KHDRBS2: variants seen among roughly 807,000 people sequenced by gnomAD.
The protein encoded by KHDRBS2 is KH RNA binding domain containing, signal transduction associated 2.
Under a neutral mutation model 44.3 loss-of-function variants are expected in KHDRBS2, and 26 were observed. That is an observed-to-expected ratio of 0.59 (90% CI 0.43 to 0.81). The LOEUF (loss-of-function observed/expected upper bound fraction) is 0.81. KHDRBS2 is among the 40% of genes least tolerant of loss of function. The pLI, the probability that KHDRBS2 is intolerant of heterozygous loss-of-function variation, is 0.00. For missense variants in KHDRBS2, 476 were observed against 433.1 expected (o/e 1.10, Z -0.88); for synonymous variants, 194 against 151.1 (o/e 1.28, Z -2.08).
At chr6:62,028,386 GA>G (rs951587542) in intron 3 of KHDRBS2, among the ~76,000 whole-genome samples, 3 of 152,064 alleles carry the variant, frequency 2.0e-5, no homozygotes, top group Admixed American at 6.6e-5. Flanking sequence ...GTGTTTTGAT[GA>G]AAATACTTGA....
At chr6:62,004,679 A>T (rs909992907) in intron 3 of KHDRBS2, among the ~76,000 whole-genome samples, 1 of 152,204 alleles carries the variant, frequency 6.6e-6, no homozygotes, top group Non-Finnish European at 1.5e-5. Context: ...CATCATACTG[A>T]TACCAAAGCC....
chr6:61,703,419 A>G (rs1768995605), intron 7 of KHDRBS2, among the ~76,000 whole-genome samples: 1 of 151,866 alleles, frequency 6.6e-6, no homozygotes, highest in Non-Finnish European at 1.5e-5. Flanking sequence ...TATGAAAATT[A>G]TATGTGAGGG....
At chr6:61,723,964 C>G (rs1176480730) in intron 7 of KHDRBS2, among the ~76,000 whole-genome samples, 2 of 152,068 alleles carry the variant, frequency 1.3e-5, no homozygotes, top group South Asian at 4.1e-4. Flanking sequence ...ATGTAGAGAA[C>G]CCCAGTAAGA....
At chr6:62,257,523 C>T (rs746123477) in intron 1 of KHDRBS2, among the ~76,000 whole-genome samples, 1 of 152,002 alleles carries the variant, frequency 6.6e-6, no homozygotes, top group Non-Finnish European at 1.5e-5. Context: ...TACTTTCCCT[C>T]GAATAACTCA....
intron 6 of KHDRBS2, among the ~76,000 whole-genome samples, chr6:61,845,110 G>A (rs544514536): frequency 3.9e-5 from 6 of 151,980 alleles, no homozygotes; most frequent in African/African-American, 1.2e-4. Context: ...ATTTTGTTTC[G>A]GAATTATTGA....
chr6:62,151,653 C>T (rs528604770), intron 2 of KHDRBS2, among the ~76,000 whole-genome samples: 4 of 152,150 alleles, frequency 2.6e-5, no homozygotes, highest in Admixed American at 6.5e-5. Context: ...CAGTGGCATA[C>T]TCAACCTGTT....
chr6:61,723,094 T>A (rs1772954686), intron 7 of KHDRBS2, among the ~76,000 whole-genome samples: 1 of 152,014 alleles, frequency 6.6e-6, no homozygotes, highest in Non-Finnish European at 1.5e-5. Flanking sequence ...CTGAGGCAAC[T>A]AGGGTCTGAA....
chr6:61,569,756 C>A, the KHDRBS2 span, among the ~76,000 whole-genome samples: 2 of 152,170 alleles, frequency 1.3e-5, no homozygotes, highest in African/African-American at 4.8e-5. Flanking sequence ...CAGAACTCTT[C>A]ACAGACATTC....
intron 6 of KHDRBS2, among the ~76,000 whole-genome samples, chr6:61,859,302 G>A (rs1411304101): frequency 6.6e-6 from 1 of 151,710 alleles, no homozygotes; most frequent in East Asian, 1.9e-4. Context: ...GCTTGGGGCA[G>A]GAGATGTACA....
intron 8 of KHDRBS2, among the ~76,000 whole-genome samples, chr6:61,689,731 T>C (rs1465897104): frequency 6.6e-6 from 1 of 151,972 alleles, no homozygotes. Flanking sequence ...CTAACTATTT[T>C]AGTTGTTGTC....
At chr6:61,712,433 C>A (rs1770662707) in intron 7 of KHDRBS2, among the ~76,000 whole-genome samples, 1 of 151,714 alleles carries the variant, frequency 6.6e-6, no homozygotes, top group Non-Finnish European at 1.5e-5. Context: ...CATTAGAGAC[C>A]AATGTATGCA....
At chr6:61,752,596 C>A (rs1194451245) in intron 6 of KHDRBS2, among the ~76,000 whole-genome samples, 1 of 147,290 alleles carries the variant, frequency 6.8e-6, no homozygotes, top group Non-Finnish European at 1.5e-5. Context: ...AAGCTAAAAA[C>A]CTAATTATTT....
chr6:61,974,640 G>T (rs1363820533), intron 4 of KHDRBS2, among the ~76,000 whole-genome samples: 2 of 151,858 alleles, frequency 1.3e-5, no homozygotes, highest in Non-Finnish European at 2.9e-5. Flanking sequence ...GTTTTGAAAA[G>T]ACTATAGTGT....
the KHDRBS2 span, among the ~76,000 whole-genome samples, chr6:61,650,229 T>C: frequency 1.3e-5 from 2 of 152,094 alleles, no homozygotes; most frequent in South Asian, 2.1e-4. Flanking sequence ...TCCCTCAACC[T>C]CCCCACCTCT....
intron 6 of KHDRBS2, among the ~76,000 whole-genome samples, chr6:61,841,239 A>C (rs1793549363): frequency 6.6e-6 from 1 of 152,190 alleles, no homozygotes; most frequent in African/African-American, 2.4e-5. Flanking sequence ...TAATAAATGC[A>C]CTAAGCATTG....
Position 61,912,517 on chromosome 6 carries a change from T to C in KHDRBS2, c.484-11146A>G, listed in dbSNP as rs12202143. 8.3e-3 allele frequency among the ~76,000 whole-genome samples: 1,271 copies of C among 152,300 alleles called. 7 individuals carry two copies. The highest frequency in any genetic ancestry group is 0.012 in the Non-Finnish European group (831 of 68,020). On this transcript the variant is annotated intron_variant, in intron 4 of 8. Coordinates refer to ENST00000281156, the MANE Select transcript of KHDRBS2 (RefSeq NM_152688.4). ...TCACTCAGCTTCCAAATGTGTCTTG[T>C]GTTCAAGCCTTTCTAGCAGGGGCAA...
intron 2 of KHDRBS2, among the ~76,000 whole-genome samples, chr6:62,090,558 T>G (rs1040330701): frequency 6.7e-6 from 1 of 149,232 alleles, no homozygotes; most frequent in African/African-American, 2.5e-5. Context: ...ATAGGAAAGG[T>G]GTTTTTTTTT....
intron 1 of KHDRBS2, among the ~76,000 whole-genome samples, chr6:62,231,574 C>A (rs544014320): frequency 1.3e-5 from 2 of 152,074 alleles, no homozygotes; most frequent in African/African-American, 4.8e-5. Flanking sequence ...AACCATATTA[C>A]CCCGCAATAT....
intron 2 of KHDRBS2, among the ~76,000 whole-genome samples, chr6:62,163,334 T>G (rs1818026205): frequency 6.6e-6 from 1 of 152,010 alleles, no homozygotes; most frequent in Admixed American, 6.6e-5. Flanking sequence ...CATATTTCAA[T>G]GAGGAAATGG....
Sources: gnomAD v4.1 joint callset for allele counts (sites outside exome capture counted in the v4.1 genomes callset) on GRCh38, gnomAD v4.1.1 for gene constraint, MANE v1.5 for transcripts, NCBI Gene and HGNC (gene_info 2026-07-23, HGNC 2026-07-21) for gene names.